Variants in STAM observed in about 807,000 individuals in gnomAD.
STAM encodes signal transducing adapter molecule 1.
In STAM, 16 loss-of-function variants were observed where a neutral mutation model predicts 63.4. The ratio of observed to expected loss-of-function variants is 0.25; its 90% confidence interval spans 0.17 to 0.38. STAM has a LOEUF of 0.38. Among genes scored for constraint, STAM ranks in the 10% least tolerant of loss-of-function variants. STAM has a pLI of 1.00. For missense variants in STAM, 636 were observed against 657.1 expected (o/e 0.97, Z 0.35); for synonymous variants, 238 against 223.9 (o/e 1.06, Z -0.56).
intron 5 of STAM, among the ~76,000 whole-genome samples, chr10:17,688,909 C>T (rs1200397862): frequency 6.6e-6 from 1 of 152,116 alleles, no homozygotes; most frequent in East Asian, 1.9e-4. Context: ...TTGAGAGATT[C>T]TTTTGTGGAG....
chr10:17,693,431 T>G, intron 6 of STAM, 119 bp downstream of exon 6: 1 of 726,204 alleles, frequency 1.4e-6, no homozygotes, highest in South Asian at 2.3e-5. Flanking sequence ...TTTGTTGCCC[T>G]CCTCAGTATT....
At chr10:17,672,894 G>A (rs1354392599) in intron 2 of STAM, 6 of 302,176 alleles carry the variant, frequency 2.0e-5, no homozygotes, top group Non-Finnish European at 2.9e-5. Context: ...GTGGAAAACT[G>A]GGAAAAGTGA....
In STAM at chr10:17,704,470, G is replaced by T; in HGVS notation, c.952G>T (p.Asp318Tyr). ...DQLLQMLQST[D>Y]PSDDQPDLPE... ...GTTGCTACAGATGCTGCAAAGTACA[G>T]ACCCCAGTGATGATCAGCCAGACCT... Residue 318 changes from aspartate (D) to tyrosine (Y), a missense_variant, in exon 10 of 14, where the codon GAC becomes TAC. Asp to Tyr is a radical substitution (Grantham distance 160). Transcript: ENST00000377524. 6.2e-7 allele frequency: 1 copy of T among 1,614,128 alleles called. No individual in the cohort carries two copies. Among genetic ancestry groups the T allele is most frequent in the Middle Eastern group, 1.6e-4 (1 of 6,062 alleles).
At chr10:17,679,318 G>T (rs1189826463) in intron 2 of STAM, among the ~76,000 whole-genome samples, 2 of 152,142 alleles carry the variant, frequency 1.3e-5, no homozygotes, top group African/African-American at 4.8e-5. Flanking sequence ...AATTGCTAGC[G>T]ATGTTGAGCA....
intron 2 of STAM, among the ~76,000 whole-genome samples, chr10:17,670,469 A>G (rs1564540899): frequency 6.6e-6 from 1 of 152,148 alleles, no homozygotes; most frequent in African/African-American, 2.4e-5. Flanking sequence ...TTGTATGAGC[A>G]GTTATATTTG....
intron 1 of STAM, 47 bp from the exon 2 acceptor site, chr10:17,660,417 A>C: frequency 7.6e-7 from 1 of 1,310,932 alleles, no homozygotes; most frequent in Non-Finnish European, 1.1e-6. Context: ...TGTATCTTTT[A>C]AAGATTTGAA....
At chr10:17,652,909 A>G (rs1334823601) in intron 1 of STAM, among the ~76,000 whole-genome samples, 1 of 152,162 alleles carries the variant, frequency 6.6e-6, no homozygotes, top group Non-Finnish European at 1.5e-5. Context: ...TTAAGATAAA[A>G]TTCTCTTATA....
chr10:17,710,419 A>G (rs1836505367), intron 13 of STAM, among the ~76,000 whole-genome samples: 1 of 152,118 alleles, frequency 6.6e-6, no homozygotes. Context: ...GAGTGTAGCT[A>G]TTAATGTCAC....
rs563988705 is a variant in STAM, at chr10:17,703,733, T to C, written c.913-698T>C. On this transcript the variant is annotated intron_variant, in intron 9 of 13. Coordinates refer to ENST00000377524, the MANE Select transcript of STAM (RefSeq NM_003473.4). ...TTCCAGCCTCTCCCAAATAGGAAAA[T>C]AGAGAAACCACTAGTCTTCCTCCTT... is the stretch of plus-strand genomic sequence containing the variant. Among the ~76,000 whole-genome samples, 7 of 152,132 alleles carry C rather than the reference T, an allele frequency of 4.6e-5. No individual in the cohort carries two copies. In the East Asian group the frequency reaches 7.7e-4, roughly 17 times the overall value.
intron 5 of STAM, 82 bp downstream of exon 5, chr10:17,688,255 C>T: frequency 1.5e-6 from 2 of 1,328,582 alleles, no homozygotes; most frequent in Non-Finnish European, 2.0e-6. Context: ...TTTCTTCATT[C>T]CCAGGTAATT....
At chr10:17,686,564 A>G (rs1835304315) in intron 4 of STAM, among the ~76,000 whole-genome samples, 1 of 151,986 alleles carries the variant, frequency 6.6e-6, no homozygotes. Flanking sequence ...GTTAGCAGAG[A>G]TGGGGTTTCA....
chr10:17,677,059 C>T (rs1834886635), intron 2 of STAM, among the ~76,000 whole-genome samples: 1 of 152,144 alleles, frequency 6.6e-6, no homozygotes, highest in African/African-American at 2.4e-5. Flanking sequence ...AAAGATACTG[C>T]TGTGTTTGCA....
At chr10:17,660,147 A>G (rs906590237) in intron 1 of STAM, among the ~76,000 whole-genome samples, 2 of 152,202 alleles carry the variant, frequency 1.3e-5, no homozygotes, top group African/African-American at 4.8e-5. Flanking sequence ...TTGCTAATGA[A>G]AATAGTATTT....
At chr10:17,650,724 G>C (rs1432130380) in intron 1 of STAM, among the ~76,000 whole-genome samples, 1 of 152,106 alleles carries the variant, frequency 6.6e-6, no homozygotes, top group Non-Finnish European at 1.5e-5. Flanking sequence ...ATGGCTGATG[G>C]TGATATTTTT....
In STAM at chr10:17,684,748, A is replaced by G. The variant is rs1554825875; in HGVS notation, c.199A>G (p.Thr67Ala). 1 of 1,614,056 alleles carries G rather than the reference A, an allele frequency of 6.2e-7. No homozygotes were observed. Among genetic ancestry groups the G allele is most frequent in the East Asian group, 2.2e-5 (1 of 44,856 alleles). ...KDPHVAMQALTLLGACVSNCG... is the reference protein window; with the variant it reads ...KDPHVAMQALALLGACVSNCG... ...TCCTCACGTTGCTATGCAGGCTTTG[A>G]CTGTGAGTGGTTTCATTTTAATCTG... Residue 67 changes from threonine to alanine, a missense_variant and splice_region_variant, in exon 3 of 14, where the codon ACT becomes GCT. Transcript: ENST00000377524.
chr10:17,714,740 C>T lies in STAM; in HGVS notation c.1583C>T (p.Pro528Leu). 1.2e-6 allele frequency: 2 copies of T among 1,614,128 alleles called. No homozygotes were observed. Among genetic ancestry groups the T allele is most frequent in the Non-Finnish European group, 1.7e-6 (2 of 1,180,028 alleles). ...CAGCCCGGAGGCAGCCAACAGCCAC[C>T]TCAGCCACAGCAACCATATTCTCAG... ...LPQPGGSQQPPQPQQPYSQKA... is the reference protein window; with the variant it reads ...LPQPGGSQQPLQPQQPYSQKA... Residue 528 changes from proline to leucine, a missense_variant, in exon 14 of 14, where the codon CCT becomes CTT. Physicochemically the swap from Pro to Leu is moderately conservative, Grantham distance 98. Transcript: ENST00000377524.
intron 2 of STAM, among the ~76,000 whole-genome samples, chr10:17,677,155 G>A (rs1321828487): frequency 6.6e-6 from 1 of 152,050 alleles, no homozygotes; most frequent in Non-Finnish European, 1.5e-5. Context: ...TTATTTTGGT[G>A]CCAGAGATAT....
intron 2 of STAM, among the ~76,000 whole-genome samples, chr10:17,669,150 G>A (rs1243874539): frequency 1.3e-5 from 2 of 151,918 alleles, no homozygotes; most frequent in African/African-American, 4.8e-5. Context: ...TTTCTATTTG[G>A]CTACCAAATA....
Position 17,666,384 on chromosome 10 carries a change from T to A in STAM, c.125+5836T>A, listed in dbSNP as rs1834375974. Among the ~76,000 whole-genome samples the A allele has an allele frequency of 2.1e-5, 3 of 142,806 alleles. No individual in the cohort carries two copies. The Admixed American group carries it at 2.3e-4, about 11-fold the overall frequency. The allele number at this position is 142,806 out of a possible 152,430, so 93.7% of individuals were successfully genotyped here. On this transcript the variant is annotated intron_variant, in intron 2 of 13. Transcript: ENST00000377524. ...TGTTAAAAATGTTTTTCCTTGGCTT[T>A]GTATTTTTTTTTTTTTTTTTTTTTT... is the stretch of plus-strand genomic sequence containing the variant.
Sources: gnomAD v4.1 joint callset for allele counts (sites outside exome capture counted in the v4.1 genomes callset) on GRCh38, gnomAD v4.1.1 for gene constraint, MANE v1.5 for transcripts, NCBI Gene and HGNC (gene_info 2026-07-23, HGNC 2026-07-21) for gene names.